Variants in RPGRIP1L observed in about 807,000 individuals in gnomAD.
RPGRIP1L encodes RPGRIP1 like.
RPGRIP1L carries 131 observed loss-of-function variants against 160.4 expected under a neutral mutation model. That is an observed-to-expected ratio of 0.82 (90% CI 0.71 to 0.94). The LOEUF (loss-of-function observed/expected upper bound fraction) is 0.94, where lower values mean the gene tolerates loss of function less well. Among genes scored for constraint, RPGRIP1L ranks in the 40% least tolerant of loss-of-function variants. The pLI is 0.00. For synonymous variants in RPGRIP1L, 510 were observed against 515.8 expected, an observed-to-expected ratio of 0.99 and a Z score of 0.15; for missense variants, 1,522 against 1,535.8, an observed-to-expected ratio of 0.99 and a Z score of 0.15.
chr16:53,695,410 A>G, intron 3 of RPGRIP1L: 1 of 703,016 alleles, frequency 1.4e-6, no homozygotes, highest in Middle Eastern at 2.3e-4. Context: ...TTCTAAGCAG[A>G]AAAACCCTAT....
chr16:53,633,391 TGAA>T (rs1447541770), intron 22 of RPGRIP1L, among the ~76,000 whole-genome samples: 1 of 152,126 alleles, frequency 6.6e-6, no homozygotes. Flanking sequence ...ACAAATCCAA[TGAA>T]GAATATGTTA....
intron 6 of RPGRIP1L, among the ~76,000 whole-genome samples, chr16:53,678,656 C>T (rs898639906): frequency 2.0e-5 from 3 of 151,746 alleles, no homozygotes; most frequent in Admixed American, 2.0e-4. Flanking sequence ...TATTTAACGT[C>T]ATTTAGAAGA....
intron 12 of RPGRIP1L, among the ~76,000 whole-genome samples, 162 bp downstream of exon 12, chr16:53,658,252 T>C (rs558569801): frequency 3.9e-5 from 6 of 152,278 alleles, no homozygotes; most frequent in Admixed American, 2.6e-4. Flanking sequence ...TGAGTCTTAG[T>C]AGTGTTGACA....
In RPGRIP1L at chr16:53,622,255, T is replaced by C. The variant is rs1964777549; in HGVS notation, c.3396A>G (p.Gln1132=). Residue 1132 remains glutamine, a synonymous_variant, in exon 23 of 27, where the codon CAA becomes CAG. Coordinates refer to ENST00000647211, the MANE Select transcript of RPGRIP1L (RefSeq NM_015272.5). ...GSSDFPASAS[Q]VDGITGACHH... ...GGCAGGCACCTGTAATCCCATCTACTTGGGAGGCTGAGGCAGGAAAATCGC... is the reference window on the plus strand; with the variant it reads ...GGCAGGCACCTGTAATCCCATCTACCTGGGAGGCTGAGGCAGGAAAATCGC... The C allele has an allele frequency of 3.0e-6, 2 of 666,078 alleles. No individual in the cohort carries two copies. The highest frequency in any genetic ancestry group is 2.1e-5 in the Admixed American group (1 of 46,592). The allele number at this position is 666,078 out of a possible 1,614,324, so 41.3% of individuals were successfully genotyped here.
chr16:53,695,547 C>T, intron 3 of RPGRIP1L: 1 of 628,248 alleles, frequency 1.6e-6, no homozygotes. Context: ...AAAATAGGCA[C>T]AGCATTTCTG....
chr16:53,692,511 A>C, intron 3 of RPGRIP1L, 147 bp from the exon 4 acceptor site: 1 of 750,762 alleles, frequency 1.3e-6, no homozygotes, highest in Non-Finnish European at 2.2e-6. Flanking sequence ...CTGCCTGTGA[A>C]GAATCCTTTG....
At chr16:53,632,207 AAAG>A (rs1275835426) in intron 22 of RPGRIP1L, among the ~76,000 whole-genome samples, 2 of 152,232 alleles carry the variant, frequency 1.3e-5, no homozygotes, top group Non-Finnish European at 2.9e-5. Flanking sequence ...AACATGAAGA[AAAG>A]AAACTGATCT....
intron 2 of RPGRIP1L, among the ~76,000 whole-genome samples, chr16:53,696,690 A>G (rs12598253): frequency 0.051 from 7,835 of 152,262 alleles, 401 homozygotes; most frequent in East Asian, 0.3. Context: ...TTTGGTAAAC[A>G]TAATATAACT....
chr16:53,672,741 C>T, intron 8 of RPGRIP1L, 129 bp downstream of exon 8: 1 of 805,654 alleles, frequency 1.2e-6, no homozygotes. Flanking sequence ...TTTTGCTGTG[C>T]TCAAAACACC....
intron 9 of RPGRIP1L, among the ~76,000 whole-genome samples, chr16:53,668,017 C>A (rs1173600477): frequency 6.6e-6 from 1 of 151,684 alleles, no homozygotes; most frequent in Admixed American, 6.6e-5. Flanking sequence ...ATGATTGCGC[C>A]ACTGCCCTCT....
chr16:53,657,705 T>C, intron 12 of RPGRIP1L, 73 bp from the exon 13 acceptor site: 1 of 810,352 alleles, frequency 1.2e-6, no homozygotes. Flanking sequence ...AATATAGATG[T>C]ATCAATAAAT....
chr16:53,626,806 CAAAAAA>C (rs397956424), intron 22 of RPGRIP1L, among the ~76,000 whole-genome samples: 5 of 93,828 alleles, frequency 5.3e-5, no homozygotes, highest in Non-Finnish European at 1.2e-4. Flanking sequence ...CCCTGTCTCT[CAAAAAA>C]AAAAAAAAAA....
intron 24 of RPGRIP1L, among the ~76,000 whole-genome samples, chr16:53,617,094 A>AAAAAAAAAAAAAAAAAAAAAAACAAAAAC: frequency 6.8e-6 from 1 of 148,096 alleles, no homozygotes; most frequent in Non-Finnish European, 1.5e-5. Context: ...AAAAAAAAAA[A>AAAAAAAAAAAAAAAAAAAAAAACAAAAAC]AAAAAGCACA....
intron 22 of RPGRIP1L, among the ~76,000 whole-genome samples, chr16:53,634,728 A>G (rs1364186853): frequency 7.2e-5 from 11 of 152,174 alleles, no homozygotes; most frequent in Admixed American, 6.5e-4. Context: ...CATGAGTGGA[A>G]GCAGCTTGAG....
intron 23 of RPGRIP1L, among the ~76,000 whole-genome samples, chr16:53,621,860 A>G (rs1199652447): frequency 6.7e-6 from 1 of 150,372 alleles, no homozygotes; most frequent in East Asian, 2.0e-4. Flanking sequence ...CGTCTCTACT[A>G]AAAATACAAA....
At chr16:53,646,127 C>T in intron 16 of RPGRIP1L, 124 bp from the exon 17 acceptor site, 1 of 843,332 alleles carries the variant, frequency 1.2e-6, no homozygotes, top group Non-Finnish European at 1.9e-6. Flanking sequence ...TTCATAATTT[C>T]TCAGTAAAAT....
chr16:53,686,498 C>T lies in RPGRIP1L; in HGVS notation c.711G>A (p.Arg237=), dbSNP rs371710677. The part of the protein sequence containing the change: ...HLAEILKTQL[R]RKENEIELSL... The stretch of plus-strand genomic sequence containing the variant: ...ATAACTCAATTTCATTTTCTTTTCT[C>T]CTCAACTGAGTTTTCAGGATCTCAG... Residue 237 remains arginine, a synonymous_variant, in exon 6 of 27, where the codon AGG becomes AGA. Coordinates refer to ENST00000647211, the MANE Select transcript of RPGRIP1L (RefSeq NM_015272.5). The T allele has an allele frequency of 1.9e-6, 3 of 1,613,458 alleles. No individual in the cohort carries two copies. The highest frequency in any genetic ancestry group is 2.7e-5 in the African/African-American group (2 of 74,884).
At chr16:53,604,574 T>C (rs1204422240) in intron 26 of RPGRIP1L, among the ~76,000 whole-genome samples, 1 of 152,214 alleles carries the variant, frequency 6.6e-6, no homozygotes, top group Non-Finnish European at 1.5e-5. Context: ...AAATTAAGCA[T>C]TGTTGGGAAT....
Position 53,675,120 on chromosome 16 carries a change from G to GAACACA in RPGRIP1L, c.778_779insTGTGTT (p.Arg259_Ser260insLeuCys), listed in dbSNP as rs1969052610. On this transcript the variant is annotated inframe_insertion and splice_region_variant, in exon 7 of 27. Coordinates refer to ENST00000647211, the MANE Select transcript of RPGRIP1L (RefSeq NM_015272.5). ...CATTTCTACATTGTCCCGAATATTT[G>GAACACA]ACCTTCAGAGTTGTGTTTAAGAAAA... is the stretch of plus-strand genomic sequence containing the variant. 6.2e-7 allele frequency: 1 copy of GAACACA among 1,601,920 alleles called. No individual in the cohort carries two copies. The highest frequency in any genetic ancestry group is 8.5e-7 in the Non-Finnish European group (1 of 1,170,892).
Sources: allele counts gnomAD v4.1 joint callset (sites outside exome capture counted in the v4.1 genomes callset), GRCh38; gene constraint gnomAD v4.1.1; transcripts MANE v1.5; gene names NCBI Gene and HGNC (gene_info 2026-07-23, HGNC 2026-07-21).